The following STPG2 variants were observed in gnomAD, a reference collection of about 807,000 sequenced individuals.
STPG2 encodes the protein sperm-tail PG-rich repeat-containing protein 2.
STPG2 carries 56 observed loss-of-function variants against 54.2 expected under a neutral mutation model. The observed-to-expected ratio is 1.03, with a 90% CI of 0.83 to 1.29. The LOEUF (loss-of-function observed/expected upper bound fraction) is 1.29, where lower values mean the gene tolerates loss of function less well. STPG2 is among the 50% of genes most tolerant of loss of function. The pLI is 0.00. For synonymous variants in STPG2, 200 were observed against 181.8 expected, an observed-to-expected ratio of 1.10 and a Z score of -0.81; for missense variants, 596 against 544.9, an observed-to-expected ratio of 1.09 and a Z score of -0.93.
At chr4:98,068,934 A>C (rs536399918) in intron 5 of STPG2, among the ~76,000 whole-genome samples, 1 of 152,206 alleles carries the variant, frequency 6.6e-6, no homozygotes, top group South Asian at 2.1e-4. Context: ...GTAAAAATAC[A>C]GTATTATAAT....
chr4:98,095,546 A>G (rs887136721), intron 5 of STPG2, among the ~76,000 whole-genome samples: 5 of 152,238 alleles, frequency 3.3e-5, no homozygotes, highest in Admixed American at 6.5e-5. Flanking sequence ...CATGGATTCC[A>G]AAACAAAAAC....
At chr4:97,471,097 C>A (rs1466268691) in intron 4 of STPG2, among the ~76,000 whole-genome samples, 1 of 152,118 alleles carries the variant, frequency 6.6e-6, no homozygotes, top group Non-Finnish European at 1.5e-5. Flanking sequence ...AAGAATGGAG[C>A]AGGGCAGCCT....
intron 5 of STPG2, among the ~76,000 whole-genome samples, chr4:98,097,575 G>C (rs1738897575): frequency 6.6e-6 from 1 of 152,104 alleles, no homozygotes; most frequent in Admixed American, 6.5e-5. Flanking sequence ...ACATGACAAG[G>C]ATGTCCACTT....
intron 8 of STPG2, among the ~76,000 whole-genome samples, chr4:97,911,698 G>T (rs2149200104): frequency 6.6e-6 from 1 of 152,274 alleles, no homozygotes; most frequent in Non-Finnish European, 1.5e-5. Context: ...TCCCTGGGAG[G>T]GAGCCCCTGG....
chr4:97,455,618 T>C (rs1324887467), intron 4 of STPG2, among the ~76,000 whole-genome samples: 6 of 152,152 alleles, frequency 3.9e-5, no homozygotes, highest in Non-Finnish European at 5.9e-5. Flanking sequence ...GAGAACTACT[T>C]CCACGGAATA....
chr4:98,026,444 A>G (rs1736423155), intron 5 of STPG2, among the ~76,000 whole-genome samples: 1 of 152,116 alleles, frequency 6.6e-6, no homozygotes, highest in Non-Finnish European at 1.5e-5. Flanking sequence ...AGCTTGTCTA[A>G]TATTAGTTGG....
chr4:98,109,460 C>T (rs942071114), intron 3 of STPG2, among the ~76,000 whole-genome samples, 155 bp from the exon 4 acceptor site: 1 of 152,154 alleles, frequency 6.6e-6, no homozygotes, highest in Non-Finnish European at 1.5e-5. Context: ...GGATAGATCC[C>T]AGGCTAAGTT....
At chr4:97,923,265 G>A (rs1627946) in intron 8 of STPG2, among the ~76,000 whole-genome samples, 63,173 of 151,572 alleles carry the variant, frequency 0.42, 13,766 homozygotes, top group Admixed American at 0.53. Context: ...GAGAGGCACA[G>A]GTGGGAACAG....
At position 97,699,325 on chromosome 4, in the gene STPG2, C is replaced by T. The variant is rs180696653; in HGVS notation, c.1320+13374G>A. 7.6e-4 allele frequency among the ~76,000 whole-genome samples: 116 copies of T among 152,256 alleles called. 1 individual carries two copies. The highest frequency in any genetic ancestry group is 2.7e-3 in the African/African-American group (113 of 41,550). On this transcript the variant is annotated intron_variant, in intron 10 of 10. Transcript: ENST00000295268. ...GCTGGGGAAAGAGGCTGAGTGGTAT[C>T]CACAGAATGGGTCATACTATCCAAT...
At chr4:98,018,225 T>C (rs1326513280) in intron 5 of STPG2, among the ~76,000 whole-genome samples, 2 of 151,782 alleles carry the variant, frequency 1.3e-5, no homozygotes, top group Non-Finnish European at 2.9e-5. Context: ...TGTCCATGTG[T>C]TCTCATTATT....
At chr4:97,891,047 G>C (rs780570959) in intron 8 of STPG2, among the ~76,000 whole-genome samples, 38 of 151,866 alleles carry the variant, frequency 2.5e-4, no homozygotes, top group Non-Finnish European at 5.2e-4. Flanking sequence ...AAAAGTGCTA[G>C]AAATAATTGT....
At chr4:98,017,114 T>G (rs1321524071) in intron 5 of STPG2, among the ~76,000 whole-genome samples, 1 of 152,210 alleles carries the variant, frequency 6.6e-6, no homozygotes, top group Admixed American at 6.6e-5. Context: ...TTGTTGGACC[T>G]GGAGCCTGAA....
chr4:98,078,692 G>T (rs1341739648), intron 5 of STPG2, among the ~76,000 whole-genome samples: 1 of 152,024 alleles, frequency 6.6e-6, no homozygotes, highest in African/African-American at 2.4e-5. Flanking sequence ...GAATTAATCT[G>T]CTCTTACAAA....
At chr4:97,858,114 A>G (rs949654578) in intron 8 of STPG2, among the ~76,000 whole-genome samples, 10 of 152,122 alleles carry the variant, frequency 6.6e-5, no homozygotes, top group African/African-American at 2.4e-4. Flanking sequence ...GTAAGAGATA[A>G]GGGTAGACAG....
At chr4:97,573,009 A>C (rs1732638695) in intron 10 of STPG2, among the ~76,000 whole-genome samples, 1 of 152,024 alleles carries the variant, frequency 6.6e-6, no homozygotes, top group Non-Finnish European at 1.5e-5. Flanking sequence ...CCTCAGGGTA[A>C]TTTGTAGTTG....
chr4:97,544,280 G>T (rs1731787730), intron 4 of STPG2, among the ~76,000 whole-genome samples: 1 of 152,020 alleles, frequency 6.6e-6, no homozygotes, highest in Non-Finnish European at 1.5e-5. Flanking sequence ...TCAGATAGCG[G>T]TGCCACTGAG....
At chr4:97,515,510 G>A (rs12504260) in intron 4 of STPG2, among the ~76,000 whole-genome samples, 2 of 151,786 alleles carry the variant, frequency 1.3e-5, no homozygotes, top group African/African-American at 4.8e-5. Flanking sequence ...ACCATAAAAA[G>A]TCAACCACTG....
intron 8 of STPG2, among the ~76,000 whole-genome samples, chr4:97,897,124 A>C (rs1466605921): frequency 1.3e-5 from 2 of 151,906 alleles, no homozygotes; most frequent in Non-Finnish European, 2.9e-5. Context: ...TGTTCTCATC[A>C]TTTAGCTCCC....
At chr4:97,727,733 T>TC (rs1724667840) in intron 9 of STPG2, among the ~76,000 whole-genome samples, 1 of 151,448 alleles carries the variant, frequency 6.6e-6, no homozygotes, top group Non-Finnish European at 1.5e-5. Flanking sequence ...TTTTTTTTTT[T>TC]CACAATTTTC....
Sources: allele counts gnomAD v4.1 joint callset (sites outside exome capture counted in the v4.1 genomes callset), GRCh38; gene constraint gnomAD v4.1.1; transcripts MANE v1.5; gene names NCBI Gene and HGNC (gene_info 2026-07-23, HGNC 2026-07-21).